Variants in ZZEF1 observed in about 807,000 individuals in gnomAD.
ZZEF1 encodes zinc finger ZZ-type and EF-hand domain containing 1.
Under a neutral mutation model 342.8 loss-of-function variants are expected in ZZEF1, and 157 were observed. That is an observed-to-expected ratio of 0.46 (90% CI 0.40 to 0.52). The LOEUF (loss-of-function observed/expected upper bound fraction) is 0.52, where lower values mean the gene tolerates loss of function less well. Ranked by LOEUF, ZZEF1 falls within the 20% of genes least tolerant of loss-of-function variation. ZZEF1 has a pLI of 0.00. For missense variants in ZZEF1, 3,480 were observed against 3,725.6 expected (o/e 0.93, Z 1.72); for synonymous variants, 1,505 against 1,429.1 (o/e 1.05, Z -1.20).
rs61155656 is a variant in ZZEF1, at chr17:4,117,648, CAAA to C, written c.500-485_500-483del. Among the ~76,000 whole-genome samples, 131 of 89,000 alleles carry C rather than the reference CAAA, an allele frequency of 1.5e-3. 1 individual carries two copies. Among genetic ancestry groups the C allele is most frequent in the East Asian group, 6.4e-3 (21 of 3,304 alleles). 58.4% of individuals were successfully genotyped at this position (89,000 alleles called of 152,430 possible). A position where few individuals can be genotyped will look rare whatever the true frequency, so the allele number is the denominator to read the frequency against. On this transcript the variant is annotated intron_variant, in intron 2 of 54. Transcript: ENST00000381638. ...GGGCAACAACAGTGAAACTCCACCT[CAAA>C]AAAAAAAAAAAAAAAAAGAATTAAT...
chr17:4,114,586 C>A, intron 3 of ZZEF1, 116 bp from the exon 4 acceptor site: 1 of 870,700 alleles, frequency 1.1e-6, no homozygotes, highest in Non-Finnish European at 1.6e-6. Flanking sequence ...AAACACAAAT[C>A]TTCCTTAAAA....
intron 31 of ZZEF1, among the ~76,000 whole-genome samples, chr17:4,058,746 T>C (rs183886110): frequency 1.2e-3 from 179 of 152,248 alleles, no homozygotes; most frequent in South Asian, 3.7e-3. Flanking sequence ...CATGGTGGCA[T>C]GCACCTGCAG....
Position 4,074,278 on chromosome 17 carries a change from T to C in ZZEF1, c.3557A>G (p.Tyr1186Cys). The C allele has an allele frequency of 6.2e-7, 1 of 1,614,160 alleles. No homozygotes were observed. The highest frequency in any genetic ancestry group is 8.5e-7 in the Non-Finnish European group (1 of 1,180,038). Residue 1186 changes from tyrosine (Y) to cysteine (C), a missense_variant, in exon 24 of 55, where the codon TAC (tyrosine) becomes TGC (cysteine). Transcript: ENST00000381638. Reference protein sequence around the residue: ...HSDSSHNEWGYKFTVTACGLP... With the variant: ...HSDSSHNEWGCKFTVTACGLP... ...CCCACAGGCAGTGACAGTGAATTTG[T>C]AGCCCCATTCGTTGTGACTGCTGTC...
rs761422667 is a variant in ZZEF1 at position 4,070,757 on chromosome 17, A to T, written c.4002T>A (p.Asp1334Glu). Residue 1334 changes from aspartate to glutamate, a missense_variant, in exon 26 of 55, where the codon GAT becomes GAA. Coordinates refer to ENST00000381638, the MANE Select transcript of ZZEF1 (RefSeq NM_015113.4). ...CAGCAAAGGTGGCGTTCACAGCTTG[A>T]TCAATAGTGGAACCAGCAACTATAT... ...KTDIVAGSTI[D>E]QAVNATFAAL... The T allele has an allele frequency of 3.1e-6, 5 of 1,614,038 alleles. No homozygotes were observed. Among genetic ancestry groups the T allele is most frequent in the Non-Finnish European group, 4.2e-6 (5 of 1,180,044 alleles).
In ZZEF1 at chr17:4,076,714, C is replaced by T. The variant is rs765486400; in HGVS notation, c.3157G>A (p.Val1053Met). The T allele has an allele frequency of 2.9e-5, 47 of 1,613,042 alleles. No individual in the cohort carries two copies. Among genetic ancestry groups the T allele is most frequent in the Non-Finnish European group, 4.0e-5 (47 of 1,179,194 alleles). ...AGGACGCTGAACTCTCTCAAGAGCA[C>T]GCAGTGTGGGATGTCTAAAGTGCAG... Reference protein sequence around the residue: ...DFCTLDIPHCVLLREFSVLTE... With the variant: ...DFCTLDIPHCMLLREFSVLTE... Residue 1053 changes from valine (V) to methionine (M), a missense_variant, in exon 21 of 55, where the codon GTG becomes ATG. Coordinates refer to ENST00000381638, the MANE Select transcript of ZZEF1 (RefSeq NM_015113.4).
rs1167806297 is a variant in ZZEF1, at chr17:4,006,560, A to G, written c.*330T>C. The G allele has an allele frequency of 5.6e-6, 2 of 354,486 alleles. No individual in the cohort carries two copies. The highest frequency in any genetic ancestry group is 1.1e-5 in the Non-Finnish European group (2 of 188,450). 22.0% of individuals were successfully genotyped at this position (354,486 alleles called of 1,614,324 possible). ...CACGGAGACAGAAACCAGTTGAGAG[A>G]GGCCGCTTCCAAGTCTTCCCAGGCC... On this transcript the variant is annotated 3_prime_UTR_variant, in exon 55 of 55. Transcript: ENST00000381638.
intron 30 of ZZEF1, among the ~76,000 whole-genome samples, chr17:4,061,686 C>T (rs1384232378): frequency 6.6e-6 from 1 of 152,148 alleles, no homozygotes; most frequent in African/African-American, 2.4e-5. Flanking sequence ...CAGCTGTTCA[C>T]TCCCAAATCC....
chr17:4,126,744 T>C (rs1007838064), intron 1 of ZZEF1, among the ~76,000 whole-genome samples: 3 of 152,020 alleles, frequency 2.0e-5, no homozygotes, highest in African/African-American at 7.3e-5. Flanking sequence ...AAAGGGTGGA[T>C]CACTTCAGGC....
intron 1 of ZZEF1, among the ~76,000 whole-genome samples, chr17:4,140,342 T>C (rs8081739): frequency 0.13 from 20,181 of 152,248 alleles, 1,375 homozygotes; most frequent in Middle Eastern, 0.16. Context: ...TGTAACACTA[T>C]CTGCTTTCAC....
At chr17:4,067,059 A>G in intron 27 of ZZEF1, 104 bp downstream of exon 27, 2 of 956,572 alleles carry the variant, frequency 2.1e-6, no homozygotes, top group Non-Finnish European at 3.1e-6. Context: ...CTTAACAAAA[A>G]TCCTAAAGCT....
intron 39 of ZZEF1, 122 bp downstream of exon 39, chr17:4,042,307 A>G (rs1257596758): frequency 4.7e-6 from 5 of 1,073,246 alleles, no homozygotes; most frequent in Admixed American, 2.6e-5. Flanking sequence ...AATAATTATA[A>G]CTTCTAATCC....
chr17:4,024,308 A>AT (rs1277096126), intron 43 of ZZEF1, among the ~76,000 whole-genome samples: 1 of 144,938 alleles, frequency 6.9e-6, no homozygotes, highest in African/African-American at 2.6e-5. Context: ...AGTGATTCTC[A>AT]TGCCTCAGCC....
Position 4,008,819 on chromosome 17 carries a change from C to T in ZZEF1, c.8805+64G>A. Reference sequence around the variant, plus strand: ...ACGCAATGTACAGACCTTCTCTGCCCTGGCAATGGTGAGATGGTGGCGCCC... The same window carrying T: ...ACGCAATGTACAGACCTTCTCTGCCTTGGCAATGGTGAGATGGTGGCGCCC... On this transcript the variant is annotated intron_variant, in intron 54 of 54. Coordinates refer to ENST00000381638, the MANE Select transcript of ZZEF1 (RefSeq NM_015113.4). The surrounding 1 kb of genome is among the most constrained non-coding windows in gnomAD (Gnocchi z 4.2). 6.5e-7 allele frequency: 1 copy of T among 1,536,188 alleles called. No homozygotes were observed. The highest frequency in any genetic ancestry group is 1.4e-5 in the African/African-American group (1 of 73,114).
At chr17:4,120,506 A>G (rs577454836) in intron 2 of ZZEF1, among the ~76,000 whole-genome samples, 1 of 152,352 alleles carries the variant, frequency 6.6e-6, no homozygotes, top group Admixed American at 6.5e-5. Flanking sequence ...TCACAAGGCA[A>G]AGTCCCATGA....
intron 9 of ZZEF1, among the ~76,000 whole-genome samples, chr17:4,099,869 A>G (rs1226544332): frequency 6.6e-6 from 1 of 151,990 alleles, no homozygotes; most frequent in African/African-American, 2.4e-5. Flanking sequence ...TTAAATCTAT[A>G]AGTTTTGACA....
chr17:4,103,665 C>T (rs1005659982), intron 8 of ZZEF1, among the ~76,000 whole-genome samples: 4 of 152,132 alleles, frequency 2.6e-5, no homozygotes, highest in Non-Finnish European at 4.4e-5. Flanking sequence ...CGCCTGCAGT[C>T]CCAGGATTTT....
At chr17:4,068,282 ATAACAATTTTT>A (rs2057441291) in intron 26 of ZZEF1, among the ~76,000 whole-genome samples, 1 of 152,108 alleles carries the variant, frequency 6.6e-6, no homozygotes, top group South Asian at 2.1e-4. Flanking sequence ...AATTAGAAAA[ATAACAATTTTT>A]TTTGAGACAG....
At chr17:4,137,158 C>T (rs1435521690) in intron 1 of ZZEF1, among the ~76,000 whole-genome samples, 1 of 152,124 alleles carries the variant, frequency 6.6e-6, no homozygotes, top group East Asian at 1.9e-4. Flanking sequence ...GTTTCTAAAG[C>T]AAGGCAGTAC....
chr17:4,014,272 G>T lies in ZZEF1; in HGVS notation c.8314+75C>A. 1 of 1,610,480 alleles carries T rather than the reference G, an allele frequency of 6.2e-7. No homozygotes were observed. The highest frequency in any genetic ancestry group is 1.1e-5 in the South Asian group (1 of 90,972). ...TGGTGTTGGGTTTCAACATTCTCCA[G>T]TAAGTTCCCTTCTCAATATTAAGTT... On this transcript the variant is annotated intron_variant, in intron 50 of 54. Transcript: ENST00000381638. This position sits in a 1 kb window ranked among gnomAD's most constrained non-coding sequence, Gnocchi z 4.4.
Sources: gnomAD v4.1 joint callset for allele counts (sites outside exome capture counted in the v4.1 genomes callset) on GRCh38, gnomAD v4.1.1 for gene constraint, Gnocchi (gnomAD v3.1) non-coding constraint, MANE v1.5 for transcripts, NCBI Gene and HGNC (gene_info 2026-07-23, HGNC 2026-07-21) for gene names.